The following SESN1 variants were observed in gnomAD, a reference collection of about 807,000 sequenced individuals.
SESN1 encodes sestrin 1.
In SESN1, 30 loss-of-function variants were observed where a neutral mutation model predicts 59.3. The observed-to-expected ratio is 0.51, with a 90% CI of 0.38 to 0.69. SESN1 has a LOEUF of 0.69. Among genes scored for constraint, SESN1 ranks in the 30% least tolerant of loss-of-function variants. SESN1 has a pLI of 0.00. For synonymous variants in SESN1, 197 were observed against 219.9 expected, an observed-to-expected ratio of 0.90 and a Z score of 0.92; for missense variants, 566 against 673.0, an observed-to-expected ratio of 0.84 and a Z score of 1.76.
At chr6:109,033,756 A>G (rs972948188) in intron 1 of SESN1, among the ~76,000 whole-genome samples, 13 of 152,218 alleles carry the variant, frequency 8.5e-5, no homozygotes, top group African/African-American at 3.1e-4. Flanking sequence ...TGACAGTGCC[A>G]AAATGCTGGA....
At chr6:108,994,296 T>G (rs925030167) in intron 6 of SESN1, among the ~76,000 whole-genome samples, 166 bp downstream of exon 6, 7 of 152,292 alleles carry the variant, frequency 4.6e-5, no homozygotes, top group East Asian at 3.9e-4. Context: ...TATGACCTTT[T>G]CTTAGTTGCT....
chr6:109,037,228 T>C (rs1768382589), intron 1 of SESN1, among the ~76,000 whole-genome samples: 2 of 152,228 alleles, frequency 1.3e-5, no homozygotes, highest in Admixed American at 1.3e-4. Context: ...TCTATTAAAA[T>C]GTACTTTTCA....
intron 1 of SESN1, among the ~76,000 whole-genome samples, chr6:109,006,219 G>C (rs928034211): frequency 6.6e-6 from 1 of 152,238 alleles, no homozygotes; most frequent in Admixed American, 6.5e-5. Flanking sequence ...AAGAGTCTTA[G>C]ATTAATCCTT....
chr6:109,058,944 G>T (rs367788586), intron 1 of SESN1, among the ~76,000 whole-genome samples: 1 of 149,200 alleles, frequency 6.7e-6, no homozygotes, highest in African/African-American at 2.4e-5. Context: ...GTGGGTAGGG[G>T]GGTACCTAAA....
intron 1 of SESN1, among the ~76,000 whole-genome samples, chr6:109,016,894 A>C (rs1779934689): frequency 6.6e-6 from 1 of 152,198 alleles, no homozygotes; most frequent in Admixed American, 6.5e-5. Context: ...ATAACTCAGA[A>C]ATACTAAAAT....
chr6:109,013,562 G>A (rs1007480006), intron 1 of SESN1, among the ~76,000 whole-genome samples: 1 of 152,196 alleles, frequency 6.6e-6, no homozygotes, highest in Non-Finnish European at 1.5e-5. Flanking sequence ...AGTAGAAAAA[G>A]CAGTAATTAG....
At chr6:109,013,546 T>C (rs537876971) in intron 1 of SESN1, among the ~76,000 whole-genome samples, 79 of 152,322 alleles carry the variant, frequency 5.2e-4, no homozygotes, top group African/African-American at 1.9e-3. Context: ...GGAATAGATA[T>C]ATTTTAGTAG....
At chr6:109,068,161 G>T (rs940429782) in intron 1 of SESN1, among the ~76,000 whole-genome samples, 1 of 152,076 alleles carries the variant, frequency 6.6e-6, no homozygotes, top group African/African-American at 2.4e-5. Flanking sequence ...TCCCTTCTTG[G>T]TTTCTCTTAA....
chr6:109,021,140 T>C (rs1306655444), intron 1 of SESN1, among the ~76,000 whole-genome samples: 1 of 152,044 alleles, frequency 6.6e-6, no homozygotes, highest in Non-Finnish European at 1.5e-5. Context: ...ACTACAGGCA[T>C]GCCACCATGA....
chr6:109,022,565 C>G (rs1485380140), intron 1 of SESN1, among the ~76,000 whole-genome samples: 2 of 151,370 alleles, frequency 1.3e-5, no homozygotes, highest in African/African-American at 4.9e-5. Context: ...CCCACCACCA[C>G]GCCCGGCTAA....
chr6:109,086,343 C>T (rs578187990), intron 1 of SESN1, among the ~76,000 whole-genome samples: 2 of 152,252 alleles, frequency 1.3e-5, no homozygotes, highest in Admixed American at 6.5e-5. Flanking sequence ...CAGAGTGAGA[C>T]TCCATCTCAA....
Position 109,000,645 on chromosome 6 carries a change from A to T in SESN1, c.575T>A (p.Leu192Ter). 1 of 1,608,612 alleles carries T rather than the reference A, an allele frequency of 6.2e-7. No individual in the cohort carries two copies. Among genetic ancestry groups the T allele is most frequent in the Non-Finnish European group, 8.5e-7 (1 of 1,177,092 alleles). ...GAAATCATTTACATGCAGGTTCACT[A>T]AGTAGGAGCACTGATGTCTTGCCGC... ...MAAARHQCSY[L>*]VNLHVNDFLH... Residue 192 changes from leucine to a stop codon, truncating the protein, a stop_gained, in exon 4 of 10, where the codon TTA (leucine) becomes TAA (stop). Coordinates refer to ENST00000436639, the MANE Select transcript of SESN1 (RefSeq NM_014454.3). LOFTEE classifies it high-confidence loss of function.
intron 1 of SESN1, among the ~76,000 whole-genome samples, chr6:109,060,787 G>A (rs1780719563): frequency 6.6e-6 from 1 of 152,096 alleles, no homozygotes; most frequent in Non-Finnish European, 1.5e-5. Context: ...ACTTGTTACT[G>A]GAATGTAGCA....
At chr6:109,066,305 G>T (rs1780824541) in intron 1 of SESN1, among the ~76,000 whole-genome samples, 1 of 150,556 alleles carries the variant, frequency 6.6e-6, no homozygotes, top group Non-Finnish European at 1.5e-5. Context: ...ACGAAGGTTT[G>T]CTGTTTCTTT....
rs577822215 is a variant in SESN1 at position 109,024,946 on chromosome 6, G to T, written c.280-22603C>A. Among the ~76,000 whole-genome samples, 3 of 152,312 alleles carry T rather than the reference G, an allele frequency of 2.0e-5. No homozygotes were observed. The South Asian group carries it at 6.2e-4, about 32-fold the overall frequency. The stretch of plus-strand genomic sequence containing the variant: ...TGTTTAAAATGGCCGAACTGGCAAA[G>T]TAACAGAAATCCTCAGAAACCAAAA... On this transcript the variant is annotated intron_variant, in intron 1 of 9. Coordinates refer to ENST00000436639, the MANE Select transcript of SESN1 (RefSeq NM_014454.3).
chr6:109,000,440 G>A (rs1406477185), intron 4 of SESN1, 51 bp downstream of exon 4: 1 of 1,341,728 alleles, frequency 7.5e-7, no homozygotes, highest in Non-Finnish European at 9.8e-7. Context: ...TCCTAAAACT[G>A]CTCTAAAAAA....
In SESN1 at chr6:108,998,850, C is replaced by A. The variant is rs1779556736; in HGVS notation, c.730-95G>T. ...TATTTAATTTATTGAAAACATGAGTCATCATACAAAGCCTAGCATAAAATT... is the reference window on the plus strand; with the variant it reads ...TATTTAATTTATTGAAAACATGAGTAATCATACAAAGCCTAGCATAAAATT... On this transcript the variant is annotated intron_variant, in intron 4 of 9. Transcript: ENST00000436639. 9 of 1,382,484 alleles carry A rather than the reference C, an allele frequency of 6.5e-6. No individual in the cohort carries two copies. The South Asian group carries it at 1.3e-4, about 20-fold the overall frequency. The allele number at this position is 1,382,484 out of a possible 1,614,324, so 85.6% of individuals were successfully genotyped here. A position where few individuals can be genotyped will look rare whatever the true frequency, so the allele number is the denominator to read the frequency against.
At chr6:109,041,826 T>C (rs181594905) in intron 1 of SESN1, among the ~76,000 whole-genome samples, 2 of 152,224 alleles carry the variant, frequency 1.3e-5, no homozygotes, top group East Asian at 3.9e-4. Context: ...GTAGAGGAAC[T>C]CAACAATATT....
At chr6:108,995,336 G>A (rs1721309160) in intron 5 of SESN1, among the ~76,000 whole-genome samples, 1 of 152,160 alleles carries the variant, frequency 6.6e-6, no homozygotes, top group Admixed American at 6.5e-5. Context: ...TTGTCAATGT[G>A]TCTATCATCT....
Sources: allele counts gnomAD v4.1 joint callset (sites outside exome capture counted in the v4.1 genomes callset), GRCh38; gene constraint gnomAD v4.1.1; transcripts MANE v1.5; gene names NCBI Gene and HGNC (gene_info 2026-07-23, HGNC 2026-07-21).